BTBD9: variants seen among roughly 807,000 people sequenced by gnomAD.
The protein encoded by BTBD9 is BTB domain containing 9.
In BTBD9, 49 loss-of-function variants were observed where a neutral mutation model predicts 64.3. The ratio of observed to expected loss-of-function variants is 0.76; its 90% confidence interval spans 0.61 to 0.97. The LOEUF (loss-of-function observed/expected upper bound fraction) is 0.97. BTBD9 is among the 50% of genes least tolerant of loss of function. The pLI, the probability that BTBD9 is intolerant of heterozygous loss-of-function variation, is 0.00. For synonymous variants in BTBD9, 260 were observed against 274.7 expected, an observed-to-expected ratio of 0.95 and a Z score of 0.53; for missense variants, 598 against 762.1, an observed-to-expected ratio of 0.78 and a Z score of 2.53.
chr6:38,372,122 C>A (rs1387352346), intron 6 of BTBD9, among the ~76,000 whole-genome samples: 2 of 152,178 alleles, frequency 1.3e-5, no homozygotes, highest in African/African-American at 2.4e-5. Context: ...CCTGGGCCAT[C>A]AGTGCCACAT....
At chr6:38,592,091 G>A (rs1374953530) in intron 4 of BTBD9, among the ~76,000 whole-genome samples, 1 of 151,602 alleles carries the variant, frequency 6.6e-6, no homozygotes, top group Non-Finnish European at 1.5e-5. Context: ...GCTGAGGCAG[G>A]AGAACCGCTT....
chr6:38,200,386 C>G (rs1186819218), intron 9 of BTBD9, among the ~76,000 whole-genome samples: 1 of 151,924 alleles, frequency 6.6e-6, no homozygotes, highest in Admixed American at 6.6e-5. Context: ...AATCAAACTC[C>G]TAAATTAGCA....
intron 7 of BTBD9, among the ~76,000 whole-genome samples, chr6:38,326,808 T>C (rs1194843222): frequency 6.6e-6 from 1 of 151,510 alleles, no homozygotes; most frequent in African/African-American, 2.4e-5. Flanking sequence ...CCTCCTCCTC[T>C]ACTTTCCCCA....
chr6:38,395,845 G>A (rs1766644609), intron 6 of BTBD9, among the ~76,000 whole-genome samples: 2 of 152,092 alleles, frequency 1.3e-5, no homozygotes, highest in African/African-American at 4.8e-5. Flanking sequence ...GAGTAGCTGG[G>A]ATTACAGGCA....
chr6:38,406,182 G>C (rs1047310605), intron 6 of BTBD9, among the ~76,000 whole-genome samples: 1 of 152,162 alleles, frequency 6.6e-6, no homozygotes, highest in Non-Finnish European at 1.5e-5. Context: ...CAGGGACCTA[G>C]CACCTTCTTA....
chr6:38,506,685 C>T (rs1772536161), intron 6 of BTBD9, among the ~76,000 whole-genome samples: 1 of 152,194 alleles, frequency 6.6e-6, no homozygotes, highest in African/African-American at 2.4e-5. Context: ...CCAGCATAAT[C>T]CAATCAGTCA....
At chr6:38,510,730 C>T (rs1157716931) in intron 6 of BTBD9, among the ~76,000 whole-genome samples, 1 of 152,068 alleles carries the variant, frequency 6.6e-6, no homozygotes, top group Non-Finnish European at 1.5e-5. Context: ...TTATTAAATA[C>T]TAAGACATAA....
chr6:38,460,824 T>A (rs1381687397), intron 6 of BTBD9, among the ~76,000 whole-genome samples: 2 of 152,024 alleles, frequency 1.3e-5, no homozygotes, highest in Non-Finnish European at 2.9e-5. Context: ...GGTTTCACCA[T>A]GTTTCCCAGG....
chr6:38,596,033 T>G, intron 2 of BTBD9: 3 of 985,450 alleles, frequency 3.0e-6, no homozygotes, highest in Non-Finnish European at 3.6e-6. Context: ...GTTCAATGTT[T>G]ACTATGAAGT....
At chr6:38,278,030 T>C (rs1195320788) in intron 8 of BTBD9, among the ~76,000 whole-genome samples, 3 of 152,238 alleles carry the variant, frequency 2.0e-5, no homozygotes, top group Non-Finnish European at 4.4e-5. Context: ...GAAAGTTGGC[T>C]GGGTAGGGCT....
In BTBD9 at chr6:38,566,371, T is replaced by C. The variant is rs1775516952; in HGVS notation, c.1154+11229A>G. Among the ~76,000 whole-genome samples, 3 of 152,214 alleles carry C rather than the reference T, an allele frequency of 2.0e-5. No homozygotes were observed. The South Asian group carries it at 6.2e-4, about 32-fold the overall frequency. On this transcript the variant is annotated intron_variant, in intron 6 of 10. Coordinates refer to ENST00000481247, the MANE Select transcript of BTBD9 (RefSeq NM_001099272.2). ...CTTCAGTTTACTTAAAGCAGGTATA[T>C]TCTCCACCTTTATTTCGGGCAAATA...
intron 6 of BTBD9, among the ~76,000 whole-genome samples, chr6:38,466,659 C>A (rs999514166): frequency 6.6e-6 from 1 of 152,082 alleles, no homozygotes; most frequent in South Asian, 2.1e-4. Context: ...TGGTCTTGAA[C>A]TAAAACTTCC....
intron 8 of BTBD9, among the ~76,000 whole-genome samples, chr6:38,287,082 C>CAAAA (rs60618390): frequency 0.43 from 10,999 of 25,380 alleles, 3,684 homozygotes; most frequent in Non-Finnish European, 0.53. Flanking sequence ...GGCTCCATCT[C>CAAAA]AAAAAAAAAA....
chr6:38,223,655 T>A (rs542965393), intron 9 of BTBD9, among the ~76,000 whole-genome samples: 1 of 152,268 alleles, frequency 6.6e-6, no homozygotes, highest in South Asian at 2.1e-4. Flanking sequence ...GAATTTAACA[T>A]CAGTCCTCTT....
At chr6:38,624,025 A>T (rs1311832593) in intron 1 of BTBD9, among the ~76,000 whole-genome samples, 1 of 152,110 alleles carries the variant, frequency 6.6e-6, no homozygotes, top group African/African-American at 2.4e-5. Flanking sequence ...TGTCCTGTTT[A>T]GAGGGGGGAT....
At chr6:38,214,302 G>A (rs966219517) in intron 9 of BTBD9, among the ~76,000 whole-genome samples, 3 of 152,174 alleles carry the variant, frequency 2.0e-5, no homozygotes, top group East Asian at 3.9e-4. Flanking sequence ...ACATCTCAGC[G>A]CCCTCAGCCA....
At chr6:38,457,095 C>CAAG (rs1177948902) in intron 6 of BTBD9, among the ~76,000 whole-genome samples, 1 of 151,978 alleles carries the variant, frequency 6.6e-6, no homozygotes, top group African/African-American at 2.4e-5. Flanking sequence ...AATTCAAGGA[C>CAAG]AAGAAGGTAG....
At chr6:38,624,607 A>C in intron 1 of BTBD9, among the ~76,000 whole-genome samples, 1 of 152,200 alleles carries the variant, frequency 6.6e-6, no homozygotes, top group East Asian at 1.9e-4. Flanking sequence ...TAGTAAAAAA[A>C]TAAAAACAAA....
In BTBD9 at chr6:38,626,592, C is replaced by A. The variant is rs193013573; in HGVS notation, c.-28+13208G>T. On this transcript the variant is annotated intron_variant, in intron 1 of 10. Transcript: ENST00000481247. ...AGAAGCTGCCTGGGCATCTCCTTCC[C>A]AGCTCCACCTGAATTAGGTCAATTC... 1.1e-4 allele frequency among the ~76,000 whole-genome samples: 17 copies of A among 152,314 alleles called. No homozygotes were observed. In the South Asian group the frequency reaches 2.1e-3, roughly 19 times the overall value.
Sources: allele counts gnomAD v4.1 joint callset (sites outside exome capture counted in the v4.1 genomes callset), GRCh38; gene constraint gnomAD v4.1.1; transcripts MANE v1.5; gene names NCBI Gene and HGNC (gene_info 2026-07-23, HGNC 2026-07-21).